DCC: variants seen among roughly 807,000 people sequenced by gnomAD.
The protein encoded by DCC is DCC netrin 1 receptor.
In DCC, 58 loss-of-function variants were observed where a neutral mutation model predicts 172.5. The observed-to-expected ratio is 0.34, with a 90% CI of 0.27 to 0.42. The LOEUF is 0.42. Among genes scored for constraint, DCC ranks in the 10% least tolerant of loss-of-function variants. DCC has a pLI of 1.00. For missense variants in DCC, 1,740 were observed against 1,791.0 expected, an observed-to-expected ratio of 0.97 and a Z score of 0.51; for synonymous variants, 709 against 644.5, an observed-to-expected ratio of 1.10 and a Z score of -1.52.
At chr18:52,882,282 G>T (rs994133639) in intron 2 of DCC, among the ~76,000 whole-genome samples, 1 of 151,808 alleles carries the variant, frequency 6.6e-6, no homozygotes, top group South Asian at 2.1e-4. Flanking sequence ...TCTTTATAGG[G>T]ATCCTTTAGG....
chr18:53,030,936 C>T (rs924928266), intron 5 of DCC, among the ~76,000 whole-genome samples: 23 of 152,126 alleles, frequency 1.5e-4, no homozygotes, highest in African/African-American at 5.6e-4. Flanking sequence ...GGCCACATTA[C>T]CTATATATTA....
intron 1 of DCC, among the ~76,000 whole-genome samples, chr18:52,726,425 A>C (rs2036552780): frequency 6.6e-6 from 1 of 152,060 alleles, no homozygotes; most frequent in Non-Finnish European, 1.5e-5. Flanking sequence ...TGATTTCACT[A>C]TTTGTAGCAT....
At chr18:53,368,298 G>A (rs2144949946) in intron 15 of DCC, among the ~76,000 whole-genome samples, 1 of 152,168 alleles carries the variant, frequency 6.6e-6, no homozygotes, top group Non-Finnish European at 1.5e-5. Flanking sequence ...TGTATTTGAT[G>A]TTGAGTTTAG....
chr18:52,583,962 T>C (rs942713895), intron 1 of DCC, among the ~76,000 whole-genome samples: 1 of 152,242 alleles, frequency 6.6e-6, no homozygotes, highest in Non-Finnish European at 1.5e-5. Context: ...CAAAGCCACC[T>C]ACTTTCGAAA....
intron 1 of DCC, among the ~76,000 whole-genome samples, chr18:52,501,854 G>T (rs1221071673): frequency 6.6e-6 from 1 of 152,112 alleles, no homozygotes; most frequent in Admixed American, 6.6e-5. Context: ...TGTGCCATTT[G>T]CTTTGGATGC....
At chr18:53,437,845 C>A (rs1912049396) in intron 22 of DCC, among the ~76,000 whole-genome samples, 1 of 152,136 alleles carries the variant, frequency 6.6e-6, no homozygotes. Flanking sequence ...AGGGCACTTG[C>A]AATGAGCTAT....
chr18:52,677,669 A>T (rs1021591190), intron 1 of DCC, among the ~76,000 whole-genome samples: 7 of 152,144 alleles, frequency 4.6e-5, no homozygotes, highest in African/African-American at 1.4e-4. Flanking sequence ...AGAATGAGAT[A>T]TCTATGACAG....
chr18:53,207,226 T>G (rs1298096228), intron 10 of DCC, among the ~76,000 whole-genome samples: 1 of 152,132 alleles, frequency 6.6e-6, no homozygotes, highest in East Asian at 1.9e-4. Flanking sequence ...AACAGCATTT[T>G]GGGAGATAAA....
chr18:53,510,837 A>G (rs2046242376), intron 27 of DCC, among the ~76,000 whole-genome samples: 1 of 152,122 alleles, frequency 6.6e-6, no homozygotes, highest in Non-Finnish European at 1.5e-5. Flanking sequence ...ACCATCCCAC[A>G]CTATAACTGC....
At chr18:53,131,953 A>ATTTGTTTTTTTTTTTT (rs2043661668) in intron 7 of DCC, among the ~76,000 whole-genome samples, 1 of 58,260 alleles carries the variant, frequency 1.7e-5, no homozygotes, top group Admixed American at 2.9e-4. Context: ...TCTCTAAGTG[A>ATTTGTTTTTTTTTTTT]TTTTTTTTTT....
intron 19 of DCC, among the ~76,000 whole-genome samples, chr18:53,408,874 G>C (rs1047388139): frequency 6.6e-6 from 1 of 152,142 alleles, no homozygotes; most frequent in African/African-American, 2.4e-5. Flanking sequence ...CCAGATGTTG[G>C]AGATTGTAAC....
chr18:52,871,925 A>T (rs1204715847), intron 2 of DCC, among the ~76,000 whole-genome samples: 1 of 151,998 alleles, frequency 6.6e-6, no homozygotes, highest in Non-Finnish European at 1.5e-5. Context: ...GCTTGACTGA[A>T]TCTCTGTCTA....
chr18:53,316,086 G>A lies in DCC; in HGVS notation c.2054-5961G>A, dbSNP rs370620768. Among the ~76,000 whole-genome samples the A allele has an allele frequency of 1.2e-4, 18 of 152,048 alleles. No homozygotes were observed. The East Asian group carries it at 3.1e-3, about 26-fold the overall frequency. On this transcript the variant is annotated intron_variant, in intron 13 of 28. Coordinates refer to ENST00000442544, the MANE Select transcript of DCC (RefSeq NM_005215.4). The stretch of plus-strand genomic sequence containing the variant: ...TTCTTCTAGGGTTTTTATGGTTTTA[G>A]GTCTTACATTTAAGTCTTTAATCCA...
intron 1 of DCC, among the ~76,000 whole-genome samples, chr18:52,382,160 G>T (rs1259014100): frequency 6.6e-6 from 1 of 152,056 alleles, no homozygotes; most frequent in Non-Finnish European, 1.5e-5. Context: ...AATATTCAGA[G>T]ATGTAAAAAT....
In DCC at chr18:53,535,834, A is replaced by T. The variant is rs188763341; in HGVS notation, c.*5181A>T. ...AACACTGTAGAACAGTCTCATATTC[A>T]TTTTTTTATAGAAATGTTATTCCAA... On this transcript the variant is annotated 3_prime_UTR_variant, in exon 29 of 29. Transcript: ENST00000442544. The T allele has an allele frequency of 2.0e-5, 3 of 152,210 alleles. No homozygotes were observed. The highest frequency in any genetic ancestry group is 2.1e-4 in the South Asian group (1 of 4,818). The allele number at this position is 152,210 out of a possible 1,614,324, so 9.4% of individuals were successfully genotyped here.
intron 12 of DCC, among the ~76,000 whole-genome samples, chr18:53,248,876 A>G (rs2056396537): frequency 6.6e-6 from 1 of 152,044 alleles, no homozygotes; most frequent in Non-Finnish European, 1.5e-5. Context: ...GCAAATATCT[A>G]AATAATTCAA....
chr18:52,498,686 T>C (rs2030897633), intron 1 of DCC, among the ~76,000 whole-genome samples: 1 of 152,088 alleles, frequency 6.6e-6, no homozygotes, highest in East Asian at 1.9e-4. Flanking sequence ...TCTCAGAGTT[T>C]TAGAGACCAG....
At chr18:53,427,753 A>G (rs1194296628) in intron 21 of DCC, among the ~76,000 whole-genome samples, 1 of 145,058 alleles carries the variant, frequency 6.9e-6, no homozygotes, top group Non-Finnish European at 1.5e-5. Context: ...CAAGAATGTA[A>G]GAATGAGAAA....
At chr18:53,065,449 T>A (rs2042552005) in intron 6 of DCC, among the ~76,000 whole-genome samples, 1 of 152,164 alleles carries the variant, frequency 6.6e-6, no homozygotes, top group African/African-American at 2.4e-5. Context: ...AGGTGAAACA[T>A]TTCAGCCATA....
Sources: gnomAD v4.1 joint callset for allele counts (sites outside exome capture counted in the v4.1 genomes callset) on GRCh38, gnomAD v4.1.1 for gene constraint, MANE v1.5 for transcripts, NCBI Gene and HGNC (gene_info 2026-07-23, HGNC 2026-07-21) for gene names.